Variants in ATAD5 observed in about 807,000 individuals in gnomAD.
ATAD5 encodes the protein ATPase family AAA domain-containing protein 5.
A neutral mutation model predicts 176.9 loss-of-function variants in ATAD5; 58 were observed. The ratio of observed to expected loss-of-function variants is 0.33; its 90% CI spans 0.27 to 0.41. The LOEUF (loss-of-function observed/expected upper bound fraction) is 0.41. Among genes scored for constraint, ATAD5 ranks in the 10% least tolerant of loss-of-function variants. The pLI is 1.00. For synonymous variants in ATAD5, 640 were observed against 712.6 expected (o/e 0.90, Z 1.62); for missense variants, 1,789 against 2,094.1 (o/e 0.85, Z 2.84).
chr17:30,865,320 C>T (rs1006305039), intron 10 of ATAD5, among the ~76,000 whole-genome samples: 1 of 151,934 alleles, frequency 6.6e-6, no homozygotes, highest in African/African-American at 2.4e-5. Context: ...CTACAGGCCC[C>T]CGCCACCACG....
At chr17:30,854,146 T>G (rs1191183489) in intron 6 of ATAD5, among the ~76,000 whole-genome samples, 2 of 148,886 alleles carry the variant, frequency 1.3e-5, no homozygotes, top group African/African-American at 4.9e-5. Context: ...CTAAATGTAT[T>G]AAATAAATTT....
In ATAD5 at chr17:30,835,580, C is replaced by T. The variant is rs147677770; in HGVS notation, c.1499C>T (p.Thr500Ile). The T allele has an allele frequency of 1.1e-3, 1,789 of 1,611,920 alleles. No individual in the cohort carries two copies. Among genetic ancestry groups the T allele is most frequent in the Non-Finnish European group, 1.4e-3 (1,688 of 1,178,688 alleles). ...CCAGGCAAAAACAGAGAGGGAAACA[C>T]TCAAAAGAAAGAAACAACCTTTTTC... ...AIPGKNREGN[T>I]QKKETTFFLK... Residue 500 changes from threonine (T) to isoleucine (I), a missense_variant, in exon 2 of 23, where the codon ACT becomes ATT. This residue lies in a region of ATAD5 where 696 missense variants were observed against 712.5 expected (regional missense o/e 0.98). Coordinates refer to ENST00000321990, the MANE Select transcript of ATAD5 (RefSeq NM_024857.5).
chr17:30,858,601 G>A (rs1350762094), intron 9 of ATAD5, among the ~76,000 whole-genome samples: 6 of 151,936 alleles, frequency 3.9e-5, no homozygotes, highest in Non-Finnish European at 8.8e-5. Flanking sequence ...GGCCAGGCTC[G>A]TCTTGAACTC....
intron 15 of ATAD5, 28 bp downstream of exon 15, chr17:30,876,578 AT>A: frequency 1.4e-6 from 2 of 1,414,438 alleles, no homozygotes; most frequent in Non-Finnish European, 1.9e-6. Flanking sequence ...CAAATTTTAT[AT>A]TTTTTAATAA....
chr17:30,876,376 A>C lies in ATAD5; in HGVS notation c.3610A>C (p.Lys1204Gln). 6.4e-7 allele frequency: 1 copy of C among 1,570,372 alleles called. No individual in the cohort carries two copies. The highest frequency in any genetic ancestry group is 8.6e-7 in the Non-Finnish European group (1 of 1,163,680). The stretch of plus-strand genomic sequence containing the variant: ...AAGTGCAATTTGTTTTTGGGCAGAA[A>C]AAATAAGCTCCCCTAAGAAAGTTGT... ...NSYYIGKSPKKISSPKKVVTS... is the reference protein window; with the variant it reads ...NSYYIGKSPKQISSPKKVVTS... Residue 1204 changes from lysine to glutamine, a missense_variant and splice_region_variant, in exon 15 of 23, where the codon AAA (lysine) becomes CAA (glutamine). Around this residue, in one of 6 missense-constraint regions of ATAD5, gnomAD observed 194 missense variants for 270.1 expected, o/e 0.72. Transcript: ENST00000321990.
chr17:30,889,920 C>G (rs1206060105), intron 19 of ATAD5, among the ~76,000 whole-genome samples: 1 of 99,570 alleles, frequency 1.0e-5, no homozygotes. Flanking sequence ...GACAGTGTCT[C>G]ATTCTGTTGC....
chr17:30,841,320 C>G (rs1012160669), intron 4 of ATAD5, among the ~76,000 whole-genome samples: 1 of 152,132 alleles, frequency 6.6e-6, no homozygotes, highest in Non-Finnish European at 1.5e-5. Context: ...GCTCTAGTCA[C>G]ACAGAATTGT....
At chr17:30,878,967 T>A (rs973661634) in intron 17 of ATAD5, among the ~76,000 whole-genome samples, 1 of 152,004 alleles carries the variant, frequency 6.6e-6, no homozygotes, top group African/African-American at 2.4e-5. Flanking sequence ...CCTGACCTCA[T>A]GTGATCCACC....
intron 14 of ATAD5, among the ~76,000 whole-genome samples, chr17:30,871,235 T>A (rs1456475735): frequency 6.6e-6 from 1 of 150,724 alleles, no homozygotes; most frequent in African/African-American, 2.4e-5. Flanking sequence ...CCTTTTTATA[T>A]CTTCTGTGTT....
At chr17:30,847,515 A>G (rs902832236) in intron 6 of ATAD5, among the ~76,000 whole-genome samples, 2 of 151,210 alleles carry the variant, frequency 1.3e-5, no homozygotes, top group Admixed American at 1.3e-4. Context: ...TATTTTTAGT[A>G]GAAACGGGGT....
chr17:30,863,630 T>C (rs1177753612), intron 10 of ATAD5, among the ~76,000 whole-genome samples: 1 of 148,414 alleles, frequency 6.7e-6, no homozygotes, highest in Non-Finnish European at 1.5e-5. Flanking sequence ...CCTCCGAAAA[T>C]GCTGGGATTA....
intron 2 of ATAD5, among the ~76,000 whole-genome samples, chr17:30,836,508 CTTCT>C (rs1437806173): frequency 6.6e-6 from 1 of 151,512 alleles, no homozygotes; most frequent in Non-Finnish European, 1.5e-5. Flanking sequence ...TTCAAAAATG[CTTCT>C]TTGTTTGCCA....
At chr17:30,865,061 G>A (rs1402548939) in intron 10 of ATAD5, 2 of 147,296 alleles carry the variant, frequency 1.4e-5, no homozygotes, top group African/African-American at 5.0e-5. Flanking sequence ...GAGTACATGT[G>A]TCTTTTTGGT....
chr17:30,834,845 C>T lies in ATAD5; in HGVS notation c.764C>T (p.Ala255Val). The T allele has an allele frequency of 6.2e-7, 1 of 1,613,212 alleles. No individual in the cohort carries two copies. The highest frequency in any genetic ancestry group is 1.6e-4 in the Middle Eastern group (1 of 6,062). ...HANSRDNVTEAAQLNDSIITV... is the reference protein window; with the variant it reads ...HANSRDNVTEVAQLNDSIITV... ...AACTCTAGAGATAACGTAACTGAAG[C>T]AGCCCAGTTAAATGATAGTATAATA... Residue 255 changes from alanine to valine, a missense_variant, in exon 2 of 23, where the codon GCA becomes GTA. Transcript: ENST00000321990.
intron 19 of ATAD5, among the ~76,000 whole-genome samples, chr17:30,892,314 A>T (rs1010778326): frequency 6.6e-6 from 1 of 151,340 alleles, no homozygotes; most frequent in Non-Finnish European, 1.5e-5. Context: ...AATCCCGGCT[A>T]CTCGGGAGGC....
chr17:30,893,772 C>T lies in ATAD5; in HGVS notation c.4919C>T (p.Ala1640Val), dbSNP rs2142460902. The T allele has an allele frequency of 3.1e-6, 5 of 1,614,042 alleles. No individual in the cohort carries two copies. In the East Asian group the frequency reaches 6.7e-5, roughly 22 times the overall value. ...ACAACTGCAGGAAAAAAATGTTCTG[C>T]CCTTGTTTCTCATTGTTTAAATTCT... ...PKTTAGKKCS[A>V]LVSHCLNSLS... Residue 1640 changes from alanine to valine, a missense_variant, in exon 21 of 23, where the codon GCC (alanine) becomes GTC (valine). By Grantham distance (64) the Ala-to-Val change is moderately conservative. Transcript: ENST00000321990.
chr17:30,872,850 C>T (rs1173441272), intron 14 of ATAD5, among the ~76,000 whole-genome samples: 1 of 152,150 alleles, frequency 6.6e-6, no homozygotes, highest in African/African-American at 2.4e-5. Flanking sequence ...GCTACTGCAC[C>T]CAGCCAACCT....
chr17:30,886,421 A>G (rs1049744813), intron 18 of ATAD5, among the ~76,000 whole-genome samples: 1 of 149,546 alleles, frequency 6.7e-6, no homozygotes, highest in Non-Finnish European at 1.5e-5. Flanking sequence ...TATTTTCGAG[A>G]CAGAGTCTTG....
chr17:30,865,320 C>A (rs1006305039), intron 10 of ATAD5, among the ~76,000 whole-genome samples: 9 of 151,934 alleles, frequency 5.9e-5, no homozygotes, highest in African/African-American at 2.2e-4. Flanking sequence ...CTACAGGCCC[C>A]CGCCACCACG....
Sources: allele counts gnomAD v4.1 joint callset (sites outside exome capture counted in the v4.1 genomes callset), GRCh38; gene constraint gnomAD v4.1.1; regional missense constraint gnomAD v4.1.1; transcripts MANE v1.5; gene names NCBI Gene and HGNC (gene_info 2026-07-23, HGNC 2026-07-21).